Variants in TMEM245 observed in about 807,000 individuals in gnomAD.
TMEM245 encodes transmembrane protein 245.
Under a neutral mutation model 101.2 loss-of-function variants are expected in TMEM245, and 69 were observed. The observed-to-expected ratio is 0.68, with a 90% CI of 0.56 to 0.83. The LOEUF is 0.83. Among genes scored for constraint, TMEM245 ranks in the 40% least tolerant of loss-of-function variants. The probability of loss-of-function intolerance (pLI) is 0.00; values close to 1 mark genes in which losing one functional copy is unlikely to be tolerated. For missense variants in TMEM245, 1,075 were observed against 1,092.8 expected (o/e 0.98, Z 0.23); for synonymous variants, 537 against 449.8 (o/e 1.19, Z -2.45).
At chr9:109,096,242 C>T (rs918419548) in intron 3 of TMEM245, among the ~76,000 whole-genome samples, 9 of 152,090 alleles carry the variant, frequency 5.9e-5, no homozygotes, top group African/African-American at 2.2e-4. Flanking sequence ...TCTGGGAGGC[C>T]AAGGCAGACG....
At chr9:109,027,633 T>C (rs1588016249) in intron 17 of TMEM245, among the ~76,000 whole-genome samples, 1 of 152,076 alleles carries the variant, frequency 6.6e-6, no homozygotes, top group Non-Finnish European at 1.5e-5. Flanking sequence ...CATCATATTA[T>C]GGTAACACAT....
chr9:109,033,790 T>C (rs1292523638), intron 16 of TMEM245, among the ~76,000 whole-genome samples: 1 of 152,210 alleles, frequency 6.6e-6, no homozygotes, highest in South Asian at 2.1e-4. Context: ...CCATTACAGG[T>C]GCCTGCCTAT....
chr9:109,095,957 T>C (rs527771975), intron 3 of TMEM245, among the ~76,000 whole-genome samples: 124 of 152,252 alleles, frequency 8.1e-4, no homozygotes, highest in African/African-American at 2.9e-3. Flanking sequence ...AGGCAAGACA[T>C]GATGCCAGTG....
chr9:109,049,518 T>C (rs903891524), intron 14 of TMEM245, among the ~76,000 whole-genome samples: 2 of 152,134 alleles, frequency 1.3e-5, no homozygotes, highest in Admixed American at 1.3e-4. Flanking sequence ...CCAGTCTGTT[T>C]TTTTGTTTTT....
At chr9:109,071,565 C>A (rs1230403531) in intron 9 of TMEM245, among the ~76,000 whole-genome samples, 5 of 148,852 alleles carry the variant, frequency 3.4e-5, no homozygotes, top group Non-Finnish European at 7.4e-5. Flanking sequence ...GATTGTGCCA[C>A]TTTAATCTAG....
intron 7 of TMEM245, among the ~76,000 whole-genome samples, chr9:109,085,771 A>G (rs892332322): frequency 2.0e-5 from 3 of 152,224 alleles, no homozygotes; most frequent in African/African-American, 7.2e-5. Context: ...CTTCTTACAA[A>G]CACCTGAGCA....
chr9:109,099,348 T>TG (rs1374616050), intron 3 of TMEM245, among the ~76,000 whole-genome samples: 1 of 152,178 alleles, frequency 6.6e-6, no homozygotes, highest in Non-Finnish European at 1.5e-5. Flanking sequence ...GAACCAAACT[T>TG]GTTCACTCAT....
chr9:109,101,846 T>C (rs1830289943), intron 3 of TMEM245, among the ~76,000 whole-genome samples: 1 of 152,204 alleles, frequency 6.6e-6, no homozygotes, highest in Non-Finnish European at 1.5e-5. Flanking sequence ...TGCTCAAAAA[T>C]TGGTCTTAGA....
intron 14 of TMEM245, among the ~76,000 whole-genome samples, chr9:109,043,008 C>T (rs374987484): frequency 8.5e-5 from 13 of 152,054 alleles, no homozygotes; most frequent in African/African-American, 3.1e-4. Context: ...CAACCCACTA[C>T]GTGCCAACCA....
intron 17 of TMEM245, among the ~76,000 whole-genome samples, chr9:109,021,507 G>GT (rs772324886): frequency 3.0e-5 from 3 of 99,066 alleles, no homozygotes; most frequent in South Asian, 2.8e-4. Flanking sequence ...TTGTTTGTTT[G>GT]TTTGTTTTGT....
chr9:109,059,366 C>A (rs994488811), intron 11 of TMEM245, among the ~76,000 whole-genome samples: 1 of 152,150 alleles, frequency 6.6e-6, no homozygotes, highest in Non-Finnish European at 1.5e-5. Flanking sequence ...AAGAGACTTA[C>A]ATATATACTT....
intron 11 of TMEM245, among the ~76,000 whole-genome samples, chr9:109,057,721 A>G (rs1828881788): frequency 6.6e-6 from 1 of 152,162 alleles, no homozygotes; most frequent in South Asian, 2.1e-4. Context: ...ACGGCACTCC[A>G]GCCTGGGTGA....
At chr9:109,032,365 CTTTTTTTTTTTTTTTTTTTT>C (rs755399182) in intron 17 of TMEM245, among the ~76,000 whole-genome samples, 134 of 40,982 alleles carry the variant, frequency 3.3e-3, no homozygotes, top group Non-Finnish European at 4.4e-3. Context: ...ATTTCTTTTC[CTTTTTTTTTTTTTTTTTTTT>C]TTTTTTTTTT....
chr9:109,102,001 G>A lies in TMEM245; in HGVS notation c.799+4507C>T, dbSNP rs1830293201. Among the ~76,000 whole-genome samples, 3 of 143,950 alleles carry A rather than the reference G, an allele frequency of 2.1e-5. No individual in the cohort carries two copies. In the Admixed American group the frequency reaches 2.2e-4, roughly 10 times the overall value. The allele number at this position is 143,950 out of a possible 152,430, so 94.4% of individuals were successfully genotyped here. ...ATTACTTACTTGGCCCTGGACAAAA[G>A]CAGTCAAAAGGGGAAACCATTCTGG... On this transcript the variant is annotated intron_variant, in intron 3 of 17. Coordinates refer to ENST00000374586, the MANE Select transcript of TMEM245 (RefSeq NM_032012.4).
intron 15 of TMEM245, among the ~76,000 whole-genome samples, chr9:109,037,259 A>G (rs546503354): frequency 6.6e-6 from 1 of 152,340 alleles, no homozygotes; most frequent in Admixed American, 6.5e-5. Context: ...GTAATCCCTC[A>G]TGGACAAAGC....
intron 9 of TMEM245, among the ~76,000 whole-genome samples, chr9:109,070,358 T>C (rs1829296045): frequency 1.3e-5 from 2 of 152,208 alleles, no homozygotes; most frequent in Admixed American, 1.3e-4. Flanking sequence ...AAATCTGCTC[T>C]TCTATTTCCT....
intron 14 of TMEM245, among the ~76,000 whole-genome samples, chr9:109,046,711 G>C (rs776345472): frequency 1.3e-5 from 2 of 152,166 alleles, no homozygotes; most frequent in Non-Finnish European, 2.9e-5. Context: ...ATAAAAGTTG[G>C]TATCACTGAT....
chr9:109,056,107 T>A (rs1828826571), intron 12 of TMEM245, among the ~76,000 whole-genome samples: 2 of 152,068 alleles, frequency 1.3e-5, no homozygotes, highest in Non-Finnish European at 2.9e-5. Context: ...CATCTAAAAC[T>A]GCAAAACAAA....
chr9:109,115,520 A>ATTT (rs1830698478), intron 1 of TMEM245, among the ~76,000 whole-genome samples: 6 of 120,202 alleles, frequency 5.0e-5, no homozygotes, highest in African/African-American at 1.3e-4. Context: ...AGTAACTGGA[A>ATTT]TCTTTTTTTT....
Sources: gnomAD v4.1 joint callset for allele counts (sites outside exome capture counted in the v4.1 genomes callset) on GRCh38, gnomAD v4.1.1 for gene constraint, MANE v1.5 for transcripts, NCBI Gene and HGNC (gene_info 2026-07-23, HGNC 2026-07-21) for gene names.